Variants in TARBP1 observed in about 807,000 individuals in gnomAD.
TARBP1 encodes the protein tRNA (guanosine(18)-2'-O)-methyltransferase TARBP1.
A neutral mutation model predicts 178.6 loss-of-function variants in TARBP1; 144 were observed. The ratio of observed to expected loss-of-function variants is 0.81; its 90% CI spans 0.70 to 0.93. The LOEUF (loss-of-function observed/expected upper bound fraction) is 0.93. TARBP1 is among the 40% of genes least tolerant of loss of function. The probability of loss-of-function intolerance (pLI) is 0.00; values close to 1 mark genes in which losing one functional copy is unlikely to be tolerated. For synonymous variants in TARBP1, 787 were observed against 781.0 expected (o/e 1.01, Z -0.13); for missense variants, 2,067 against 2,011.7 (o/e 1.03, Z -0.53).
At position 234,478,336 on chromosome 1, in the gene TARBP1, G is replaced by A; in HGVS notation, c.768C>T (p.Gly256=). Residue 256 remains glycine, a synonymous_variant, in exon 1 of 30, where the codon GGC becomes GGT. Coordinates refer to ENST00000040877, the MANE Select transcript of TARBP1 (RefSeq NM_005646.4). ...GDRARGAREA[G]PDARRCWRFW... is the part of the protein sequence containing the mutation. ...AGCGCCAGCAGCGCCGGGCGTCCGG[G>A]CCCGCCTCGCGCGCGCCGCGGGCGC... 1.5e-6 allele frequency: 2 copies of A among 1,291,800 alleles called. No individual in the cohort carries two copies. Among genetic ancestry groups the A allele is most frequent in the Admixed American group, 4.1e-5 (1 of 24,602 alleles). The allele number at this position is 1,291,800 out of a possible 1,614,324, so 80.0% of individuals were successfully genotyped here.
chr1:234,422,283 T>C (rs1455838716), intron 20 of TARBP1, among the ~76,000 whole-genome samples: 1 of 152,210 alleles, frequency 6.6e-6, no homozygotes, highest in Non-Finnish European at 1.5e-5. Flanking sequence ...ACTCAGAATA[T>C]CTTTTCTCTA....
intron 12 of TARBP1, among the ~76,000 whole-genome samples, chr1:234,440,826 C>T (rs1346358309): frequency 6.6e-6 from 1 of 151,672 alleles, no homozygotes; most frequent in Non-Finnish European, 1.5e-5. Context: ...CTTACAAAAC[C>T]TGTGTAAGAT....
At chr1:234,423,188 T>A (rs1663309010) in intron 20 of TARBP1, among the ~76,000 whole-genome samples, 1 of 152,230 alleles carries the variant, frequency 6.6e-6, no homozygotes, top group African/African-American at 2.4e-5. Flanking sequence ...GTATTCCCAT[T>A]AGTGATGCAG....
chr1:234,396,484 T>C (rs756845675), intron 26 of TARBP1, among the ~76,000 whole-genome samples: 2 of 152,130 alleles, frequency 1.3e-5, no homozygotes, highest in Non-Finnish European at 2.9e-5. Context: ...CCCTGCTTTG[T>C]TTTTTCACGG....
At chr1:234,454,237 T>C (rs925078242) in intron 9 of TARBP1, among the ~76,000 whole-genome samples, 2 of 152,222 alleles carry the variant, frequency 1.3e-5, no homozygotes, top group Non-Finnish European at 2.9e-5. Context: ...AAGCTATGCC[T>C]ACTAGCTGCA....
intron 7 of TARBP1, 55 bp downstream of exon 7, chr1:234,460,206 A>ATG: frequency 6.5e-7 from 1 of 1,538,476 alleles, no homozygotes; most frequent in Non-Finnish European, 8.7e-7. Flanking sequence ...AAATATATAT[A>ATG]TTGATGGAAA....
intron 20 of TARBP1, among the ~76,000 whole-genome samples, chr1:234,425,251 A>C (rs1663601094): frequency 6.6e-6 from 1 of 152,288 alleles, no homozygotes; most frequent in African/African-American, 2.4e-5. Flanking sequence ...AAAAACAAAC[A>C]AACAAAAAAC....
chr1:234,435,406 C>T (rs1008247101), intron 13 of TARBP1, among the ~76,000 whole-genome samples: 6 of 152,150 alleles, frequency 3.9e-5, no homozygotes, highest in African/African-American at 9.7e-5. Flanking sequence ...TGCTTGAACC[C>T]GGGAGGTGGA....
intron 15 of TARBP1, 35 bp from the exon 16 acceptor site, chr1:234,429,712 C>G (rs947120870): frequency 1.3e-6 from 2 of 1,548,664 alleles, no homozygotes; most frequent in African/African-American, 2.7e-5. Flanking sequence ...GGCCATACTT[C>G]CCCAATTTGC....
rs74816818 is a variant in TARBP1 at position 234,395,528 on chromosome 1, C to G, written c.4244-1691G>C. Among the ~76,000 whole-genome samples the G allele has an allele frequency of 6.5e-3, 996 of 152,286 alleles. 12 individuals are homozygous for G. The highest frequency in any genetic ancestry group is 0.023 in the African/African-American group (936 of 41,558). On this transcript the variant is annotated intron_variant, in intron 26 of 29. Transcript: ENST00000040877. ...CAAGAACGACTTCCACGATGATTGA[C>G]CAATACCATTAATAGGGCATACAGA...
intron 1 of TARBP1, 61 bp downstream of exon 1, chr1:234,478,112 A>C: frequency 6.5e-7 from 1 of 1,527,502 alleles, no homozygotes; most frequent in South Asian, 1.2e-5. Context: ...AGAAGCAGGA[A>C]GACTCCCCTC....
intron 24 of TARBP1, among the ~76,000 whole-genome samples, chr1:234,405,059 C>G (rs1414358361): frequency 6.6e-6 from 1 of 152,156 alleles, no homozygotes; most frequent in African/African-American, 2.4e-5. Flanking sequence ...ACCAAGACTT[C>G]TACATGTTAC....
intron 21 of TARBP1, among the ~76,000 whole-genome samples, chr1:234,419,823 C>G (rs1253978489): frequency 6.6e-6 from 1 of 152,056 alleles, no homozygotes; most frequent in Non-Finnish European, 1.5e-5. Context: ...ATTCTTTTAG[C>G]TATTTCCTCT....
chr1:234,407,163 T>C (rs1181472592), intron 23 of TARBP1: 18 of 152,248 alleles, frequency 1.2e-4, no homozygotes, highest in Admixed American at 1.2e-3. Flanking sequence ...CCACAATTCC[T>C]GTCTTATAAC....
chr1:234,410,388 C>G, intron 23 of TARBP1, 57 bp downstream of exon 23: 1 of 1,100,396 alleles, frequency 9.1e-7, no homozygotes. Flanking sequence ...AAAATTGGTA[C>G]AAATACATAC....
chr1:234,412,661 T>G (rs1425757830), intron 22 of TARBP1, among the ~76,000 whole-genome samples: 1 of 151,638 alleles, frequency 6.6e-6, no homozygotes, highest in Non-Finnish European at 1.5e-5. Flanking sequence ...CAAAAATAAA[T>G]AAAGAAGACA....
chr1:234,425,377 A>AT (rs925438682), intron 20 of TARBP1, among the ~76,000 whole-genome samples: 1 of 152,042 alleles, frequency 6.6e-6, no homozygotes, highest in South Asian at 2.1e-4. Context: ...ACTAACCAAG[A>AT]TTTTTTTTCT....
intron 22 of TARBP1, among the ~76,000 whole-genome samples, chr1:234,411,142 C>T (rs1218921975): frequency 1.3e-5 from 2 of 151,624 alleles, no homozygotes; most frequent in Non-Finnish European, 2.9e-5. Context: ...TTCAACCAAC[C>T]GTGGATGAAA....
intron 9 of TARBP1, among the ~76,000 whole-genome samples, chr1:234,452,049 C>A (rs1195731890): frequency 6.6e-6 from 1 of 152,158 alleles, no homozygotes; most frequent in African/African-American, 2.4e-5. Context: ...AGGCATGATT[C>A]TGCTGTATCA....
Sources: allele counts gnomAD v4.1 joint callset (sites outside exome capture counted in the v4.1 genomes callset), GRCh38; gene constraint gnomAD v4.1.1; transcripts MANE v1.5; gene names NCBI Gene and HGNC (gene_info 2026-07-23, HGNC 2026-07-21).